GALNT18: variants seen among roughly 807,000 people sequenced by gnomAD.
The protein encoded by GALNT18 is GalNAc-transferase 18.
GALNT18 carries 44 observed loss-of-function variants against 69.5 expected under a neutral mutation model. The observed-to-expected ratio is 0.63, with a 90% CI of 0.50 to 0.81. The LOEUF is 0.81. Ranked by LOEUF, GALNT18 falls within the 40% of genes least tolerant of loss-of-function variation. GALNT18 has a pLI of 0.00. For missense variants in GALNT18, 715 were observed against 810.0 expected (o/e 0.88, Z 1.42); for synonymous variants, 364 against 318.2 (o/e 1.14, Z -1.53).
chr11:11,297,972 A>G (rs1849430937), intron 9 of GALNT18, among the ~76,000 whole-genome samples: 1 of 152,242 alleles, frequency 6.6e-6, no homozygotes, highest in Non-Finnish European at 1.5e-5. Flanking sequence ...CCTCTCCTCC[A>G]GGCCAGGGGT....
chr11:11,463,532 C>G lies in GALNT18; in HGVS notation c.236-14596G>C, dbSNP rs573822944. Among the ~76,000 whole-genome samples the G allele has an allele frequency of 9.2e-5, 14 of 152,276 alleles. No individual in the cohort carries two copies. The highest frequency in any genetic ancestry group is 9.1e-4 in the Admixed American group (14 of 15,302). On this transcript the variant is annotated intron_variant, in intron 1 of 10. Coordinates refer to ENST00000227756, the MANE Select transcript of GALNT18 (RefSeq NM_198516.3). The surrounding 1 kb of genome is among the most constrained non-coding windows in gnomAD (Gnocchi z 4.2). ...CTGGGAGCCCTAGCTGTTGTGGCCC[C>G]AGGGCTGAGCGTGCCATCACTCCCA...
rs1382777699 is a variant in GALNT18 at position 11,463,431 on chromosome 11, T to C, written c.236-14495A>G. On this transcript the variant is annotated intron_variant, in intron 1 of 10. Transcript: ENST00000227756. This position sits in a 1 kb window ranked among gnomAD's most constrained non-coding sequence, Gnocchi z 4.2. The stretch of plus-strand genomic sequence containing the variant: ...AGTTAACTAGCCCACATCTGATTCT[T>C]TAAATGTAGTGTACAGTGCAGAAGG... Among the ~76,000 whole-genome samples the C allele has an allele frequency of 6.6e-6, 1 of 152,222 alleles. No homozygotes were observed. Among genetic ancestry groups the C allele is most frequent in the East Asian group, 1.9e-4 (1 of 5,194 alleles).
chr11:11,379,189 C>A lies in GALNT18; in HGVS notation c.671G>T (p.Arg224Leu). Reference sequence around the variant, plus strand: ...GATGAGGCCTTCCTGCTTGCTGTGACGCACGACTTTGATGAAGCCTGGCTT... The same window carrying A: ...GATGAGGCCTTCCTGCTTGCTGTGAAGCACGACTTTGATGAAGCCTGGCTT... ...SQKPGFIKVVRHSKQEGLIRS... is the reference protein window; with the variant it reads ...SQKPGFIKVVLHSKQEGLIRS... The change falls in exon 4 of 11, where the codon CGT (arginine) becomes CTT (leucine). Residue 224 changes from arginine (R) to leucine (L), a missense_variant. Coordinates refer to ENST00000227756, the MANE Select transcript of GALNT18 (RefSeq NM_198516.3). 6.2e-7 allele frequency: 1 copy of A among 1,612,772 alleles called. No homozygotes were observed. Among genetic ancestry groups the A allele is most frequent in the Non-Finnish European group, 8.5e-7 (1 of 1,180,016 alleles).
chr11:11,491,280 A>G (rs1459673556), intron 1 of GALNT18, among the ~76,000 whole-genome samples: 1 of 152,202 alleles, frequency 6.6e-6, no homozygotes, highest in African/African-American at 2.4e-5. Flanking sequence ...TGCAAGAAAC[A>G]GGTGTCAAAA....
At chr11:11,572,681 C>A (rs998406787) in intron 1 of GALNT18, among the ~76,000 whole-genome samples, 1 of 152,232 alleles carries the variant, frequency 6.6e-6, no homozygotes, top group South Asian at 2.1e-4. Flanking sequence ...GAACATTCAA[C>A]ATGGCTGCCC....
chr11:11,388,357 T>TA (rs1191430948), intron 3 of GALNT18, among the ~76,000 whole-genome samples: 2 of 152,146 alleles, frequency 1.3e-5, no homozygotes, highest in African/African-American at 4.8e-5. Context: ...TTATATCTTG[T>TA]AAAAAATGGT....
At position 11,402,708 on chromosome 11, in the gene GALNT18, T is replaced by C. The variant is rs1022025303; in HGVS notation, c.596-23444A>G. Among the ~76,000 whole-genome samples, 2 of 152,184 alleles carry C rather than the reference T, an allele frequency of 1.3e-5. No homozygotes were observed. Among genetic ancestry groups the C allele is most frequent in the Non-Finnish European group, 2.9e-5 (2 of 68,030 alleles). On this transcript the variant is annotated intron_variant, in intron 3 of 10. Coordinates refer to ENST00000227756, the MANE Select transcript of GALNT18 (RefSeq NM_198516.3). This position sits in a 1 kb window ranked among gnomAD's most constrained non-coding sequence, Gnocchi z 4.0. Reference sequence around the variant, plus strand: ...TTTAAGGAACTATAAATCCCAGTCATTTTCCAAACCTAAAGTGTGGCATTT... The same window carrying C: ...TTTAAGGAACTATAAATCCCAGTCACTTTCCAAACCTAAAGTGTGGCATTT...
Position 11,600,352 on chromosome 11 carries a change from G to A in GALNT18, c.235+21007C>T, listed in dbSNP as rs1371997076. On this transcript the variant is annotated intron_variant, in intron 1 of 10. Coordinates refer to ENST00000227756, the MANE Select transcript of GALNT18 (RefSeq NM_198516.3). This position sits in a 1 kb window ranked among gnomAD's most constrained non-coding sequence, Gnocchi z 4.8. ...AACAAATTCTGTTTTTGTTTTTCTG[G>A]TAATGACTTTATTTTGTATTCATTT... Among the ~76,000 whole-genome samples, 2 of 151,942 alleles carry A rather than the reference G, an allele frequency of 1.3e-5. No individual in the cohort carries two copies. The highest frequency in any genetic ancestry group is 2.9e-5 in the Non-Finnish European group (2 of 67,936).
In GALNT18 at chr11:11,602,969, T is replaced by C. The variant is rs1448358449; in HGVS notation, c.235+18390A>G. ...TCATTTACATGGTTTCTAGGGAAAA[T>C]AGATCAGAATATTTAAAATTGGGTT... is the stretch of plus-strand genomic sequence containing the variant. On this transcript the variant is annotated intron_variant, in intron 1 of 10. Transcript: ENST00000227756. This position sits in a 1 kb window ranked among gnomAD's most constrained non-coding sequence, Gnocchi z 4.7. 1.3e-5 allele frequency among the ~76,000 whole-genome samples: 2 copies of C among 152,168 alleles called. No individual in the cohort carries two copies. Among genetic ancestry groups the C allele is most frequent in the African/African-American group, 4.8e-5 (2 of 41,428 alleles).
Position 11,279,604 on chromosome 11 carries a change from A to G in GALNT18, c.1678-8314T>C, listed in dbSNP as rs192196112. On this transcript the variant is annotated intron_variant, in intron 10 of 10. Transcript: ENST00000227756. ...ACAAAAACTATAGCTATACTCGATA[A>G]ATCTCACCAATACAATGTCGAGCAG... Among the ~76,000 whole-genome samples the G allele has an allele frequency of 3.3e-3, 500 of 152,248 alleles. 2 individuals are homozygous for G. The highest frequency in any genetic ancestry group is 4.7e-3 in the Non-Finnish European group (320 of 68,010).
At chr11:11,369,437 C>T (rs1564913810) in intron 6 of GALNT18, among the ~76,000 whole-genome samples, 1 of 152,196 alleles carries the variant, frequency 6.6e-6, no homozygotes, top group Non-Finnish European at 1.5e-5. Flanking sequence ...TTTACGTCTT[C>T]CTGTGACCAA....
At chr11:11,403,136 C>G (rs1854505332) in intron 3 of GALNT18, among the ~76,000 whole-genome samples, 1 of 152,164 alleles carries the variant, frequency 6.6e-6, no homozygotes, top group Non-Finnish European at 1.5e-5. Context: ...ATGCCTGTAA[C>G]CAAACACTTG....
chr11:11,358,491 A>G (rs1468939607), intron 6 of GALNT18, among the ~76,000 whole-genome samples: 2 of 140,572 alleles, frequency 1.4e-5, no homozygotes, highest in African/African-American at 2.6e-5. Context: ...AAGAACTAGG[A>G]AAGACTAAGT....
rs1396793704 is a variant in GALNT18, at chr11:11,421,315, A to C, written c.595+11306T>G. 6.6e-6 allele frequency among the ~76,000 whole-genome samples: 1 copy of C among 152,092 alleles called. No individual in the cohort carries two copies. The highest frequency in any genetic ancestry group is 2.4e-5 in the African/African-American group (1 of 41,420). On this transcript the variant is annotated intron_variant, in intron 3 of 10. Transcript: ENST00000227756. The surrounding 1 kb of genome is among the most constrained non-coding windows in gnomAD (Gnocchi z 5.6). ...TGAGCCCTGGGGCTGGTCCACAAAG[A>C]GGCGGGTGACTCAAGAGCTGATATA...
chr11:11,276,923 C>G (rs868804732), intron 10 of GALNT18, among the ~76,000 whole-genome samples: 1 of 152,104 alleles, frequency 6.6e-6, no homozygotes, highest in African/African-American at 2.4e-5. Flanking sequence ...CAGTATTTCA[C>G]TGATGATTTT....
At chr11:11,411,794 C>A (rs1293486631) in intron 3 of GALNT18, among the ~76,000 whole-genome samples, 2 of 152,314 alleles carry the variant, frequency 1.3e-5, no homozygotes, top group East Asian at 3.9e-4. Flanking sequence ...AGAGGCTGAG[C>A]AAACAGCTGC....
At chr11:11,597,562 A>G (rs1037558458) in intron 1 of GALNT18, among the ~76,000 whole-genome samples, 9 of 152,028 alleles carry the variant, frequency 5.9e-5, no homozygotes, top group Non-Finnish European at 8.8e-5. Flanking sequence ...TAAGTTGCCT[A>G]ATAATTTTTT....
chr11:11,305,988 C>T (rs559520275), intron 9 of GALNT18, among the ~76,000 whole-genome samples: 1 of 152,318 alleles, frequency 6.6e-6, no homozygotes, highest in South Asian at 2.1e-4. Context: ...TGCTCTCTGG[C>T]CAGTTTTGGA....
At position 11,293,219 on chromosome 11, in the gene GALNT18, G is replaced by A. The variant is rs185402461; in HGVS notation, c.1513-26C>T. The A allele has an allele frequency of 3.5e-4, 461 of 1,315,528 alleles. 3 individuals carry two copies. The African/African-American group carries it at 6.2e-3, about 18-fold the overall frequency. 81.5% of individuals were successfully genotyped at this position (1,315,528 alleles called of 1,614,324 possible). A position where few individuals can be genotyped will look rare whatever the true frequency, so the allele number is the denominator to read the frequency against. On this transcript the variant is annotated intron_variant, in intron 9 of 10. Transcript: ENST00000227756. ...CTGGGGGCGGAGGGAGGGAGAGAGT[G>A]TGGATAAATGCCAATGGCCACGGAG... is the stretch of plus-strand genomic sequence containing the variant.
Sources: allele counts gnomAD v4.1 joint callset (sites outside exome capture counted in the v4.1 genomes callset), GRCh38; gene constraint gnomAD v4.1.1; non-coding constraint Gnocchi (gnomAD v3.1); transcripts MANE v1.5; gene names NCBI Gene and HGNC (gene_info 2026-07-23, HGNC 2026-07-21).